The following SPIN1 variants were observed in gnomAD, a reference collection of about 807,000 sequenced individuals.
SPIN1 encodes spindlin 1.
Under a neutral mutation model 26.0 loss-of-function variants are expected in SPIN1, and 3 were observed. The observed-to-expected ratio is 0.12, with a 90% CI of 0.05 to 0.30. The LOEUF (loss-of-function observed/expected upper bound fraction) is 0.30. SPIN1 is among the 10% of genes least tolerant of loss of function. The probability of loss-of-function intolerance (pLI) is 1.00; values close to 1 mark genes in which losing one functional copy is unlikely to be tolerated. For synonymous variants in SPIN1, 101 were observed against 116.5 expected (o/e 0.87, Z 0.86); for missense variants, 126 against 333.4 (o/e 0.38, Z 4.84).
At chr9:88,399,523 G>C (rs1308839980) in intron 1 of SPIN1, among the ~76,000 whole-genome samples, 1 of 152,176 alleles carries the variant, frequency 6.6e-6, no homozygotes, top group Non-Finnish European at 1.5e-5. Flanking sequence ...TGGCCTGTAA[G>C]AGTTGGATCC....
At chr9:88,404,395 T>G (rs1260439408) in intron 1 of SPIN1, among the ~76,000 whole-genome samples, 2 of 152,182 alleles carry the variant, frequency 1.3e-5, no homozygotes, top group Non-Finnish European at 2.9e-5. Context: ...GCTGCTACAG[T>G]CAGACAGCGA....
At chr9:88,393,628 GTATTT>G (rs1351041298) in intron 1 of SPIN1, among the ~76,000 whole-genome samples, 2 of 151,292 alleles carry the variant, frequency 1.3e-5, no homozygotes, top group Non-Finnish European at 2.9e-5. Flanking sequence ...GCTAATTTTT[GTATTT>G]TTAGTAGAGA....
intron 1 of SPIN1, among the ~76,000 whole-genome samples, chr9:88,419,238 T>C (rs1450275018): frequency 5.3e-5 from 8 of 152,116 alleles, no homozygotes; most frequent in Admixed American, 6.6e-5. Flanking sequence ...CCACCCTGAC[T>C]CATTCTCCAC....
intron 3 of SPIN1, among the ~76,000 whole-genome samples, chr9:88,459,471 T>TTACTGTGAA (rs1181685332): frequency 6.6e-6 from 1 of 152,170 alleles, no homozygotes; most frequent in Non-Finnish European, 1.5e-5. Flanking sequence ...TATTGGTTCC[T>TTACTGTGAA]TACTGTGAAC....
chr9:88,401,272 T>G (rs768528082), intron 1 of SPIN1, among the ~76,000 whole-genome samples: 2 of 152,216 alleles, frequency 1.3e-5, no homozygotes, highest in Non-Finnish European at 1.5e-5. Flanking sequence ...TAGAAACAAC[T>G]GTCCAATAAT....
chr9:88,433,918 C>T (rs754127504), intron 2 of SPIN1, among the ~76,000 whole-genome samples: 5 of 150,508 alleles, frequency 3.3e-5, no homozygotes, highest in Non-Finnish European at 5.9e-5. Context: ...TTTTTCTCAT[C>T]AACGTTATAA....
intron 4 of SPIN1, among the ~76,000 whole-genome samples, chr9:88,464,324 A>G (rs541788769): frequency 6.6e-6 from 1 of 152,360 alleles, no homozygotes; most frequent in South Asian, 2.1e-4. Context: ...GCATCAACCT[A>G]CTTTAGTCTA....
At chr9:88,420,961 C>T (rs926944016) in intron 1 of SPIN1, among the ~76,000 whole-genome samples, 3 of 152,228 alleles carry the variant, frequency 2.0e-5, no homozygotes, top group African/African-American at 7.2e-5. Flanking sequence ...CTGCTCTGCT[C>T]ATTGGATGCT....
chr9:88,437,008 G>A lies in SPIN1; in HGVS notation c.52+10417G>A, dbSNP rs547973191. The stretch of plus-strand genomic sequence containing the variant: ...TCTCGATCTCCTGACCTCGTGATCC[G>A]CCCGCCTCGGCCTCCCAAAGTGCTG... On this transcript the variant is annotated intron_variant, in intron 2 of 5. Coordinates refer to ENST00000375859, the MANE Select transcript of SPIN1 (RefSeq NM_006717.3). Among the ~76,000 whole-genome samples, 312 of 151,740 alleles carry A rather than the reference G, an allele frequency of 2.1e-3. 1 individual carries two copies. Among genetic ancestry groups the A allele is most frequent in the Non-Finnish European group, 2.5e-3 (171 of 67,880 alleles).
At position 88,445,280 on chromosome 9, in the gene SPIN1, G is replaced by T. The variant is rs549023365; in HGVS notation, c.53-3661G>T. ...CAGACATGCTCCAGGAATGCTTCAG[G>T]TAGACTTGCTCCTGCTTCCTGTCTG... is the stretch of plus-strand genomic sequence containing the variant. On this transcript the variant is annotated intron_variant, in intron 2 of 5. Transcript: ENST00000375859. 5.9e-5 allele frequency among the ~76,000 whole-genome samples: 9 copies of T among 152,050 alleles called. No individual in the cohort carries two copies. In the South Asian group the frequency reaches 1.9e-3, roughly 32 times the overall value.
chr9:88,454,212 C>T (rs1285574169), intron 3 of SPIN1, among the ~76,000 whole-genome samples: 1 of 152,248 alleles, frequency 6.6e-6, no homozygotes, highest in East Asian at 1.9e-4. Context: ...ATATTTTAGA[C>T]TCTTTCCCAA....
In SPIN1 at chr9:88,412,094, G is replaced by C. The variant is rs940818609; in HGVS notation, c.-158-14288G>C. Among the ~76,000 whole-genome samples the C allele has an allele frequency of 2.6e-5, 4 of 152,116 alleles. No individual in the cohort carries two copies. In the East Asian group the frequency reaches 7.8e-4, roughly 30 times the overall value. ...CTCGGGAGGCTGAGGCAGGAGAATGGCGTGAACCCAGGAGGCGGAGCTTGC... is the reference window on the plus strand; with the variant it reads ...CTCGGGAGGCTGAGGCAGGAGAATGCCGTGAACCCAGGAGGCGGAGCTTGC... On this transcript the variant is annotated intron_variant, in intron 1 of 5. Transcript: ENST00000375859.
At chr9:88,422,562 T>C (rs1827689809) in intron 1 of SPIN1, among the ~76,000 whole-genome samples, 1 of 152,228 alleles carries the variant, frequency 6.6e-6, no homozygotes, top group Non-Finnish European at 1.5e-5. Context: ...CCTTTTGATC[T>C]GTCTCTGCAT....
chr9:88,407,743 C>G (rs1318057697), intron 1 of SPIN1, among the ~76,000 whole-genome samples: 1 of 150,392 alleles, frequency 6.6e-6, no homozygotes, highest in Non-Finnish European at 1.5e-5. Context: ...AAAAATCACT[C>G]CTATGACTGG....
intron 2 of SPIN1, among the ~76,000 whole-genome samples, chr9:88,437,205 A>T (rs1343957218): frequency 6.6e-6 from 1 of 152,008 alleles, no homozygotes; most frequent in Admixed American, 6.6e-5. Context: ...GTTTTGAATA[A>T]AGCTGCTATA....
Position 88,418,204 on chromosome 9 carries a change from C to G in SPIN1, c.-158-8178C>G, listed in dbSNP as rs558583640. 2.0e-3 allele frequency among the ~76,000 whole-genome samples: 297 copies of G among 152,306 alleles called. 1 individual carries two copies. Among genetic ancestry groups the G allele is most frequent in the African/African-American group, 6.9e-3 (288 of 41,566 alleles). On this transcript the variant is annotated intron_variant, in intron 1 of 5. Transcript: ENST00000375859. ...GCTGAAAGTTCCAACCCTCTAACCA[C>G]TGGTGGGGTTCCCCTGGAAATCAAA...
At chr9:88,469,112 A>T (rs73652571) in intron 5 of SPIN1, among the ~76,000 whole-genome samples, 33 of 152,068 alleles carry the variant, frequency 2.2e-4, no homozygotes, top group African/African-American at 7.7e-4. Flanking sequence ...TTTTCTGTGG[A>T]TTGGGGGTTG....
intron 1 of SPIN1, among the ~76,000 whole-genome samples, chr9:88,413,010 A>G (rs1243511831): frequency 6.6e-6 from 1 of 151,882 alleles, no homozygotes; most frequent in Admixed American, 6.6e-5. Context: ...GTGACAAGAC[A>G]ATATTGTTGG....
chr9:88,388,982 A>G (rs1175591453), intron 1 of SPIN1, among the ~76,000 whole-genome samples: 2 of 146,814 alleles, frequency 1.4e-5, no homozygotes, highest in Non-Finnish European at 3.0e-5. Context: ...GGAACGTTGC[A>G]TAATCCCGGG....
Sources: allele counts gnomAD v4.1 joint callset (sites outside exome capture counted in the v4.1 genomes callset), GRCh38; gene constraint gnomAD v4.1.1; transcripts MANE v1.5; gene names NCBI Gene and HGNC (gene_info 2026-07-23, HGNC 2026-07-21).